EXD3: variants seen among roughly 807,000 people sequenced by gnomAD.
The protein encoded by EXD3 is exonuclease 3'-5' domain containing 3, also known as exonuclease mut-7 homolog.
Under a neutral mutation model 98.0 loss-of-function variants are expected in EXD3, and 92 were observed. That is an observed-to-expected ratio of 0.94 (90% CI 0.79 to 1.12). The LOEUF is 1.12. EXD3 is among the 50% of genes most tolerant of loss of function. EXD3 has a pLI of 0.00. For missense variants in EXD3, 1,222 were observed against 1,191.6 expected, an observed-to-expected ratio of 1.03 and a Z score of -0.38; for synonymous variants, 569 against 526.0, an observed-to-expected ratio of 1.08 and a Z score of -1.12.
intron 2 of EXD3, among the ~76,000 whole-genome samples, chr9:137,386,682 C>G (rs1201130110): frequency 6.6e-6 from 1 of 152,162 alleles, no homozygotes; most frequent in Non-Finnish European, 1.5e-5. Flanking sequence ...AGCCTCCAAC[C>G]TCCGTGTACC....
rs1360576847 is a variant in EXD3, at chr9:137,371,555, G to A, written c.462+1350C>T. Among the ~76,000 whole-genome samples, 4 of 152,056 alleles carry A rather than the reference G, an allele frequency of 2.6e-5. No individual in the cohort carries two copies. Among genetic ancestry groups the A allele is most frequent in the African/African-American group, 7.2e-5 (3 of 41,402 alleles). On this transcript the variant is annotated intron_variant, in intron 5 of 21. Coordinates refer to ENST00000340951, the MANE Select transcript of EXD3 (RefSeq NM_017820.5). The surrounding 1 kb of genome is among the most constrained non-coding windows in gnomAD (Gnocchi z 8.0). The stretch of plus-strand genomic sequence containing the variant: ...GCAGGGTCCCACGTGGGCAGGCAGC[G>A]GGGTGGTGGCCTTCACGCTCGGCCC...
Position 137,371,542 on chromosome 9 carries a change from G to T in EXD3, c.462+1363C>A, listed in dbSNP as rs1242023830. On this transcript the variant is annotated intron_variant, in intron 5 of 21. Coordinates refer to ENST00000340951, the MANE Select transcript of EXD3 (RefSeq NM_017820.5). This position sits in a 1 kb window ranked among gnomAD's most constrained non-coding sequence, Gnocchi z 8.0. ...CGGCGTCTCAGCAGCAGGGTCCCAC[G>T]TGGGCAGGCAGCGGGGTGGTGGCCT... 6.6e-6 allele frequency among the ~76,000 whole-genome samples: 1 copy of T among 152,080 alleles called. No individual in the cohort carries two copies. The highest frequency in any genetic ancestry group is 1.5e-5 in the Non-Finnish European group (1 of 67,968).
intron 19 of EXD3, among the ~76,000 whole-genome samples, chr9:137,313,454 G>C (rs996109089): frequency 3.9e-5 from 6 of 152,172 alleles, no homozygotes. Context: ...TCTGGCCTGA[G>C]GGGTTTCTGC....
chr9:137,317,023 G>A (rs1376623957), intron 19 of EXD3, among the ~76,000 whole-genome samples: 1 of 152,126 alleles, frequency 6.6e-6, no homozygotes, highest in Non-Finnish European at 1.5e-5. Flanking sequence ...GGGGTGCAGG[G>A]GGCAGCTCTC....
chr9:137,354,983 C>T (rs1375130757), intron 8 of EXD3, among the ~76,000 whole-genome samples: 1 of 152,126 alleles, frequency 6.6e-6, no homozygotes, highest in Non-Finnish European at 1.5e-5. Flanking sequence ...CGGGGTCTCC[C>T]TTGCACTTGT....
intron 3 of EXD3, among the ~76,000 whole-genome samples, chr9:137,379,875 C>T (rs190012881): frequency 6.6e-6 from 1 of 152,042 alleles, no homozygotes; most frequent in African/African-American, 2.4e-5. Flanking sequence ...CTCCAGACCC[C>T]AGCTGGGTCC....
chr9:137,312,849 G>A (rs900183478), intron 19 of EXD3, among the ~76,000 whole-genome samples: 1 of 152,118 alleles, frequency 6.6e-6, no homozygotes, highest in Non-Finnish European at 1.5e-5. Context: ...AGGGGCCAGC[G>A]CTGGGCTGCA....
chr9:137,351,473 C>G lies in EXD3; in HGVS notation c.1229G>C (p.Gly410Ala). Residue 410 changes from glycine to alanine, a missense_variant, in exon 13 of 22, where the codon GGC becomes GCC. By Grantham distance (60) the Gly-to-Ala change is moderately conservative. Transcript: ENST00000340951. ...CTGCAGGAGTGACGGCCGAGGCCGG[C>G]CCCCAGCAACAAACACAGGTGTCCA... ...VEWTPVFVAG[G>A]RPRPSLLQVA... 2 of 1,599,658 alleles carry G rather than the reference C, an allele frequency of 1.3e-6. No homozygotes were observed. Among genetic ancestry groups the G allele is most frequent in the Non-Finnish European group, 1.7e-6 (2 of 1,174,562 alleles).
At chr9:137,328,958 G>A (rs1194601252) in intron 17 of EXD3, among the ~76,000 whole-genome samples, 3 of 25,782 alleles carry the variant, frequency 1.2e-4, no homozygotes, top group Non-Finnish European at 2.1e-4. Context: ...GGGGCTACAC[G>A]GGGCTACACG....
At chr9:137,312,867 C>T (rs1293748328) in intron 19 of EXD3, among the ~76,000 whole-genome samples, 2 of 152,138 alleles carry the variant, frequency 1.3e-5, no homozygotes, top group Non-Finnish European at 2.9e-5. Flanking sequence ...GCAGAATGTG[C>T]CTCCAGCAGT....
intron 19 of EXD3, among the ~76,000 whole-genome samples, chr9:137,322,756 C>T (rs7469823): frequency 0.21 from 2,780 of 13,324 alleles, 221 homozygotes; most frequent in East Asian, 0.42. Flanking sequence ...TGCCGACACC[C>T]CACCGCGGAC....
chr9:137,318,817 C>G (rs891504613), intron 19 of EXD3, among the ~76,000 whole-genome samples: 3 of 152,224 alleles, frequency 2.0e-5, no homozygotes, highest in Non-Finnish European at 4.4e-5. Context: ...CCTGGGGTCT[C>G]TGCTGAGTGG....
rs535339908 is a variant in EXD3, at chr9:137,348,149, C to A, written c.1920G>T (p.Gly640=). The A allele has an allele frequency of 6.2e-7, 1 of 1,612,230 alleles. No homozygotes were observed. Among genetic ancestry groups the A allele is most frequent in the African/African-American group, 1.3e-5 (1 of 75,000 alleles). The change falls in exon 17 of 22, where the codon GGG becomes GGT. Residue 640 remains glycine, a synonymous_variant. Transcript: ENST00000340951. ...FRVVCDNMLQ[G]LARSLRCLGV... The stretch of plus-strand genomic sequence containing the variant: ...CGAGACAGCGGAGGCTCCGTGCCAG[C>A]CCCTGCAGCATGTTGTCACACACCA...
Position 137,315,413 on chromosome 9 carries a change from C to T in EXD3, c.2185-5713G>A, listed in dbSNP as rs937817347. On this transcript the variant is annotated intron_variant, in intron 19 of 21. Coordinates refer to ENST00000340951, the MANE Select transcript of EXD3 (RefSeq NM_017820.5). ...CCGCCGGAGAGACCACGCGTGTGGGCCTGACCCGCTGGCAGCTCTGAAGCC... is the reference window on the plus strand; with the variant it reads ...CCGCCGGAGAGACCACGCGTGTGGGTCTGACCCGCTGGCAGCTCTGAAGCC... 3.3e-5 allele frequency among the ~76,000 whole-genome samples: 5 copies of T among 152,342 alleles called. No homozygotes were observed. In the South Asian group the frequency reaches 1.0e-3, roughly 32 times the overall value.
intron 19 of EXD3, among the ~76,000 whole-genome samples, chr9:137,318,053 A>C (rs1831792679): frequency 6.6e-6 from 1 of 151,846 alleles, no homozygotes; most frequent in African/African-American, 2.4e-5. Flanking sequence ...CAGAGAATGT[A>C]AGGGTCTCCA....
At chr9:137,346,974 C>T (rs1410177880) in intron 17 of EXD3, among the ~76,000 whole-genome samples, 4 of 152,132 alleles carry the variant, frequency 2.6e-5, no homozygotes, top group Admixed American at 2.6e-4. Context: ...CGCCACCACG[C>T]CCAGCTAATT....
intron 19 of EXD3, among the ~76,000 whole-genome samples, chr9:137,316,448 CCG>C (rs1221177966): frequency 6.6e-6 from 1 of 152,018 alleles, no homozygotes; most frequent in Non-Finnish European, 1.5e-5. Flanking sequence ...GGGGGGTAGC[CCG>C]CGCGCCCCGG....
At chr9:137,418,286 T>G (rs1249842029) in intron 1 of EXD3, among the ~76,000 whole-genome samples, 1 of 152,118 alleles carries the variant, frequency 6.6e-6, no homozygotes, top group Non-Finnish European at 1.5e-5. Flanking sequence ...AAGCAGAGGT[T>G]GCAGTGAGAG....
intron 5 of EXD3, among the ~76,000 whole-genome samples, chr9:137,370,546 C>T (rs906957932): frequency 3.6e-5 from 5 of 139,304 alleles, no homozygotes; most frequent in East Asian, 2.2e-4. Flanking sequence ...GTCCAGCTGG[C>T]GGGGTCGGGG....
Sources: allele counts gnomAD v4.1 joint callset (sites outside exome capture counted in the v4.1 genomes callset), GRCh38; gene constraint gnomAD v4.1.1; non-coding constraint Gnocchi (gnomAD v3.1); transcripts MANE v1.5; gene names NCBI Gene and HGNC (gene_info 2026-07-23, HGNC 2026-07-21).